The following SCFD2 variants were observed in gnomAD, a reference collection of about 807,000 sequenced individuals.
The protein encoded by SCFD2 is sec1 family domain containing 2.
A neutral mutation model predicts 58.9 loss-of-function variants in SCFD2; 54 were observed. That is an observed-to-expected ratio of 0.92 (90% CI 0.74 to 1.15). The LOEUF is 1.15. SCFD2 is among the 50% of genes most tolerant of loss of function. SCFD2 has a pLI of 0.00. For missense variants in SCFD2, 805 were observed against 836.6 expected (o/e 0.96, Z 0.47); for synonymous variants, 321 against 335.9 (o/e 0.96, Z 0.49).
intron 3 of SCFD2, among the ~76,000 whole-genome samples, chr4:53,297,571 G>A (rs115634219): frequency 0.031 from 4,757 of 152,076 alleles, 144 homozygotes; most frequent in African/African-American, 0.085. Flanking sequence ...ATGGGTCTCC[G>A]GAATACGGCA....
intron 4 of SCFD2, among the ~76,000 whole-genome samples, chr4:53,258,272 C>T (rs1415566493): frequency 6.6e-6 from 1 of 151,920 alleles, no homozygotes. Flanking sequence ...TACCCATCAC[C>T]CAAGCAGTGT....
At chr4:53,342,756 G>T (rs372846560) in intron 2 of SCFD2, among the ~76,000 whole-genome samples, 5 of 152,100 alleles carry the variant, frequency 3.3e-5, no homozygotes, top group Non-Finnish European at 1.5e-5. Flanking sequence ...ATAACAAACT[G>T]TCTCTCAGAC....
At chr4:52,940,730 C>T (rs888757917) in intron 5 of SCFD2, among the ~76,000 whole-genome samples, 6 of 152,108 alleles carry the variant, frequency 3.9e-5, no homozygotes, top group East Asian at 1.9e-4. Context: ...TGTGGTAATG[C>T]GCAAAGGGAC....
At chr4:53,157,121 A>T (rs1378182991) in intron 4 of SCFD2, among the ~76,000 whole-genome samples, 1 of 152,218 alleles carries the variant, frequency 6.6e-6, no homozygotes, top group Admixed American at 6.5e-5. Flanking sequence ...AACTTTTCTG[A>T]TGAGATCATT....
intron 2 of SCFD2, among the ~76,000 whole-genome samples, chr4:53,316,319 G>T (rs904684596): frequency 6.6e-6 from 1 of 152,178 alleles, no homozygotes; most frequent in Non-Finnish European, 1.5e-5. Flanking sequence ...GAACAGTGCA[G>T]ATCTCTGGTG....
intron 5 of SCFD2, among the ~76,000 whole-genome samples, chr4:53,077,846 A>C (rs555991638): frequency 1.3e-5 from 2 of 152,352 alleles, no homozygotes; most frequent in Non-Finnish European, 2.9e-5. Flanking sequence ...CTTGCAGTAG[A>C]TCACATAAGC....
At chr4:53,276,057 A>G (rs1433026584) in intron 3 of SCFD2, among the ~76,000 whole-genome samples, 1 of 151,018 alleles carries the variant, frequency 6.6e-6, no homozygotes, top group Non-Finnish European at 1.5e-5. Context: ...CATATGTTTC[A>G]TTTTCCTTTA....
At chr4:53,284,097 C>T (rs554734565) in intron 3 of SCFD2, among the ~76,000 whole-genome samples, 11 of 140,410 alleles carry the variant, frequency 7.8e-5, no homozygotes, top group South Asian at 4.6e-4. Context: ...CCAGCCTGGG[C>T]GACAGAGCAA....
At chr4:53,182,159 G>T (rs1325239152) in intron 4 of SCFD2, among the ~76,000 whole-genome samples, 1 of 152,096 alleles carries the variant, frequency 6.6e-6, no homozygotes, top group Admixed American at 6.5e-5. Flanking sequence ...CTACTTTAAA[G>T]TTCATATGGA....
At chr4:53,258,687 T>C (rs1255107862) in intron 4 of SCFD2, among the ~76,000 whole-genome samples, 3 of 151,700 alleles carry the variant, frequency 2.0e-5, no homozygotes, top group African/African-American at 7.3e-5. Flanking sequence ...TAACCATGCA[T>C]GTGTGTGCAA....
chr4:52,893,541 A>G (rs1718928531), intron 7 of SCFD2, among the ~76,000 whole-genome samples: 2 of 152,136 alleles, frequency 1.3e-5, no homozygotes, highest in African/African-American at 4.8e-5. Flanking sequence ...TATCTGTCCA[A>G]TCCACAAGCC....
chr4:53,258,903 T>G (rs557674802), intron 4 of SCFD2, among the ~76,000 whole-genome samples: 1 of 152,132 alleles, frequency 6.6e-6, no homozygotes, highest in African/African-American at 2.4e-5. Flanking sequence ...TTTTATTTTT[T>G]TATTATGGCC....
At chr4:53,020,916 G>A (rs1722334245) in intron 5 of SCFD2, among the ~76,000 whole-genome samples, 1 of 152,130 alleles carries the variant, frequency 6.6e-6, no homozygotes, top group African/African-American at 2.4e-5. Flanking sequence ...GGTGGTTTTG[G>A]CTTCTGTTCA....
intron 2 of SCFD2, among the ~76,000 whole-genome samples, chr4:53,318,502 T>A (rs963260864): frequency 3.9e-5 from 6 of 152,162 alleles, no homozygotes; most frequent in African/African-American, 1.4e-4. Context: ...TACAGACAGA[T>A]GAAAAATCTA....
At chr4:53,187,522 G>GAT (rs573183915) in intron 4 of SCFD2, among the ~76,000 whole-genome samples, 1 of 152,208 alleles carries the variant, frequency 6.6e-6, no homozygotes, top group South Asian at 2.1e-4. Flanking sequence ...CTGCAGCCTT[G>GAT]TTTATAAGAG....
At chr4:53,131,129 C>A (rs1725775305) in intron 5 of SCFD2, among the ~76,000 whole-genome samples, 1 of 152,010 alleles carries the variant, frequency 6.6e-6, no homozygotes, top group East Asian at 1.9e-4. Flanking sequence ...AAGGCAGTAC[C>A]AACAAAATGA....
intron 5 of SCFD2, among the ~76,000 whole-genome samples, chr4:52,924,916 T>G (rs1577831873): frequency 6.6e-6 from 1 of 152,178 alleles, no homozygotes; most frequent in African/African-American, 2.4e-5. Flanking sequence ...GCTGAATTGA[T>G]AGATAAGATG....
rs752271411 is a variant in SCFD2 at position 53,365,504 on chromosome 4, G to C, written c.438C>G (p.Asn146Lys). ...LEEKLCEWMG[N>K]MNYTAEVFHV... The stretch of plus-strand genomic sequence containing the variant: ...GGAACACCTCGGCCGTGTAGTTCAT[G>C]TTGCCCATCCATTCACACAGCTTCT... The change falls in exon 1 of 9, where the codon AAC becomes AAG. Residue 146 changes from asparagine to lysine, a missense_variant. Asn to Lys is a moderately conservative substitution (Grantham distance 94). Transcript: ENST00000401642. This position sits in a 1 kb window ranked among gnomAD's most constrained non-coding sequence, Gnocchi z 4.3. The C allele has an allele frequency of 1.2e-6, 2 of 1,614,212 alleles. No individual in the cohort carries two copies. Among genetic ancestry groups the C allele is most frequent in the East Asian group, 4.5e-5 (2 of 44,886 alleles).
At chr4:53,012,588 T>G (rs1174275481) in intron 5 of SCFD2, among the ~76,000 whole-genome samples, 1 of 152,140 alleles carries the variant, frequency 6.6e-6, no homozygotes, top group Non-Finnish European at 1.5e-5. Flanking sequence ...CTCTCTTTAT[T>G]TTTCTTTCAT....
Sources: allele counts gnomAD v4.1 joint callset (sites outside exome capture counted in the v4.1 genomes callset), GRCh38; gene constraint gnomAD v4.1.1; non-coding constraint Gnocchi (gnomAD v3.1); transcripts MANE v1.5; gene names NCBI Gene and HGNC (gene_info 2026-07-23, HGNC 2026-07-21).